The following IMMP2L variants were observed in gnomAD, a reference collection of about 807,000 sequenced individuals.
The protein encoded by IMMP2L is mitochondrial inner membrane protease subunit 2.
Under a neutral mutation model 19.3 loss-of-function variants are expected in IMMP2L, and 18 were observed. That is an observed-to-expected ratio of 0.93 (90% CI 0.64 to 1.38). The LOEUF (loss-of-function observed/expected upper bound fraction) is 1.38. Ranked by LOEUF, IMMP2L falls within the 40% of genes most tolerant of loss-of-function variation. The pLI is 0.00. For missense variants in IMMP2L, 233 were observed against 218.2 expected, an observed-to-expected ratio of 1.07 and a Z score of -0.43; for synonymous variants, 76 against 73.0, an observed-to-expected ratio of 1.04 and a Z score of -0.21.
chr7:111,055,932 T>G (rs1793471341), intron 3 of IMMP2L, among the ~76,000 whole-genome samples: 1 of 152,196 alleles, frequency 6.6e-6, no homozygotes, highest in African/African-American at 2.4e-5. Flanking sequence ...GGCAATGACA[T>G]ACTTAGGCTA....
intron 3 of IMMP2L, among the ~76,000 whole-genome samples, chr7:111,053,328 G>A (rs902223429): frequency 6.6e-6 from 1 of 152,140 alleles, no homozygotes; most frequent in African/African-American, 2.4e-5. Flanking sequence ...CTTGGGAGGG[G>A]AGCATGTGCA....
At chr7:110,735,870 A>AAAAAG (rs1796602579) in intron 5 of IMMP2L, among the ~76,000 whole-genome samples, 1 of 145,038 alleles carries the variant, frequency 6.9e-6, no homozygotes. Flanking sequence ...AAAAAAAAAA[A>AAAAAG]GGAATGAAAT....
At chr7:110,920,777 T>C (rs1349110888) in intron 4 of IMMP2L, among the ~76,000 whole-genome samples, 2 of 152,204 alleles carry the variant, frequency 1.3e-5, no homozygotes, top group African/African-American at 4.8e-5. Flanking sequence ...GCAGGAATTT[T>C]TTAAAACATT....
chr7:110,866,654 A>G (rs555107734), intron 5 of IMMP2L, among the ~76,000 whole-genome samples: 4 of 152,266 alleles, frequency 2.6e-5, no homozygotes, highest in African/African-American at 9.6e-5. Flanking sequence ...TTGGAAAAAT[A>G]ACAGTAAAGT....
intron 3 of IMMP2L, among the ~76,000 whole-genome samples, chr7:111,323,980 G>A (rs1022195056): frequency 6.6e-6 from 1 of 151,942 alleles, no homozygotes; most frequent in Non-Finnish European, 1.5e-5. Flanking sequence ...ATCACACACC[G>A]GGACCTGTTG....
In IMMP2L at chr7:111,425,483, G is replaced by C. The variant is rs147720623; in HGVS notation, c.239+61755C>G. On this transcript the variant is annotated intron_variant, in intron 3 of 5. Transcript: ENST00000405709. ...TACGCATGTTGAAAGTATTTAGGGG[G>C]AAGTGCCTATAGTTTACTTTGAAAT... is the stretch of plus-strand genomic sequence containing the variant. 1.2e-3 allele frequency among the ~76,000 whole-genome samples: 187 copies of C among 151,024 alleles called. 8 individuals carry two copies. Among genetic ancestry groups the C allele is most frequent in the Non-Finnish European group, 2.2e-3 (148 of 67,640 alleles).
intron 3 of IMMP2L, among the ~76,000 whole-genome samples, chr7:110,996,682 A>AT (rs969031194): frequency 2.1e-4 from 32 of 150,842 alleles, no homozygotes; most frequent in Non-Finnish European, 1.0e-4. Flanking sequence ...CCCTTTTCTT[A>AT]TTTTTTTTCA....
At chr7:111,218,776 A>G (rs1812227683) in intron 3 of IMMP2L, among the ~76,000 whole-genome samples, 1 of 152,074 alleles carries the variant, frequency 6.6e-6, no homozygotes, top group South Asian at 2.1e-4. Context: ...TCACTTGGTT[A>G]GAAATGACAT....
At chr7:111,514,205 G>T (rs1845686494) in intron 2 of IMMP2L, among the ~76,000 whole-genome samples, 1 of 152,050 alleles carries the variant, frequency 6.6e-6, no homozygotes, top group South Asian at 2.1e-4. Flanking sequence ...CAAAAAGAAG[G>T]TAACTATATG....
At chr7:110,750,256 G>A (rs1414423335) in intron 5 of IMMP2L, among the ~76,000 whole-genome samples, 1 of 151,556 alleles carries the variant, frequency 6.6e-6, no homozygotes. Context: ...AGCTGTAAGA[G>A]TTTTTTTTGT....
chr7:111,124,545 T>A (rs1801057556), intron 3 of IMMP2L: 1 of 1,613,740 alleles, frequency 6.2e-7, no homozygotes. Context: ...AGTATAAAAT[T>A]TGTATTGATA....
intron 5 of IMMP2L, among the ~76,000 whole-genome samples, chr7:110,865,283 C>T (rs903592809): frequency 1.3e-5 from 2 of 151,850 alleles, no homozygotes; most frequent in Admixed American, 1.3e-4. Context: ...AAATTTTAAA[C>T]ATCCTCTAAA....
At chr7:111,139,358 G>A (rs897780285) in intron 3 of IMMP2L, among the ~76,000 whole-genome samples, 8 of 152,018 alleles carry the variant, frequency 5.3e-5, no homozygotes, top group African/African-American at 1.9e-4. Context: ...ATTTCTTTTT[G>A]TTCAACAAGT....
chr7:111,473,086 C>T (rs1011482028), intron 3 of IMMP2L, among the ~76,000 whole-genome samples: 1 of 152,110 alleles, frequency 6.6e-6, no homozygotes, highest in South Asian at 2.1e-4. Flanking sequence ...TCCAAAATGA[C>T]ATTATTAAAA....
chr7:110,818,599 C>T (rs2131318352), intron 5 of IMMP2L, among the ~76,000 whole-genome samples: 1 of 152,246 alleles, frequency 6.6e-6, no homozygotes, highest in South Asian at 2.1e-4. Flanking sequence ...TTTGACCCAG[C>T]TATCCCATTA....
chr7:111,329,175 T>A (rs1825631898), intron 3 of IMMP2L, among the ~76,000 whole-genome samples: 1 of 151,790 alleles, frequency 6.6e-6, no homozygotes. Context: ...CTATTAAGAA[T>A]GCATTAATAG....
At chr7:110,814,396 A>G (rs924826118) in intron 5 of IMMP2L, among the ~76,000 whole-genome samples, 8 of 151,630 alleles carry the variant, frequency 5.3e-5, no homozygotes, top group Admixed American at 2.0e-4. Flanking sequence ...TCCTAAGATG[A>G]AAATGTATAT....
At chr7:111,109,702 A>T (rs1798966750) in intron 3 of IMMP2L, among the ~76,000 whole-genome samples, 1 of 152,174 alleles carries the variant, frequency 6.6e-6, no homozygotes, top group Non-Finnish European at 1.5e-5. Flanking sequence ...TTATTAGGGG[A>T]ATCAGATAAG....
intron 3 of IMMP2L, among the ~76,000 whole-genome samples, chr7:111,398,371 A>G (rs1402281998): frequency 6.6e-6 from 1 of 152,180 alleles, no homozygotes; most frequent in Non-Finnish European, 1.5e-5. Flanking sequence ...AATTAAAAAT[A>G]AAAATCACAT....
Sources: allele counts gnomAD v4.1 joint callset (sites outside exome capture counted in the v4.1 genomes callset), GRCh38; gene constraint gnomAD v4.1.1; transcripts MANE v1.5; gene names NCBI Gene and HGNC (gene_info 2026-07-23, HGNC 2026-07-21).